Variants in ZNF385D observed in about 807,000 individuals in gnomAD.
ZNF385D encodes zinc finger protein 659.
A neutral mutation model predicts 35.8 loss-of-function variants in ZNF385D; 15 were observed. The ratio of observed to expected loss-of-function variants is 0.42; its 90% CI spans 0.28 to 0.64. The LOEUF (loss-of-function observed/expected upper bound fraction) is 0.64, where lower values mean the gene tolerates loss of function less well. Among genes scored for constraint, ZNF385D ranks in the 30% least tolerant of loss-of-function variants. ZNF385D has a pLI of 0.23. For missense variants in ZNF385D, 474 were observed against 494.6 expected, an observed-to-expected ratio of 0.96 and a Z score of 0.39; for synonymous variants, 212 against 186.8, an observed-to-expected ratio of 1.13 and a Z score of -1.10.
At chr3:21,521,612 G>A (rs1297955453) in intron 3 of ZNF385D, among the ~76,000 whole-genome samples, 7 of 152,114 alleles carry the variant, frequency 4.6e-5, no homozygotes, top group Admixed American at 6.6e-5. Context: ...TTTAAAGCCA[G>A]GTGTGGTGGC....
intron 3 of ZNF385D, among the ~76,000 whole-genome samples, chr3:22,146,257 C>T (rs1234145026): frequency 6.6e-6 from 1 of 152,102 alleles, no homozygotes; most frequent in African/African-American, 2.4e-5. Flanking sequence ...CAGAAATATT[C>T]AGTAATATTC....
At chr3:22,025,423 A>C (rs1684149705) in intron 3 of ZNF385D, among the ~76,000 whole-genome samples, 1 of 152,150 alleles carries the variant, frequency 6.6e-6, no homozygotes, top group Non-Finnish European at 1.5e-5. Context: ...GCTACACTCG[A>C]AAAGAACTTT....
At chr3:22,320,343 T>A (rs1294845669) in intron 2 of ZNF385D, among the ~76,000 whole-genome samples, 4 of 152,032 alleles carry the variant, frequency 2.6e-5, no homozygotes, top group African/African-American at 9.7e-5. Flanking sequence ...AATTCTTCCT[T>A]TCAGTCATTA....
At chr3:21,671,064 G>C (rs1457996979) in intron 1 of ZNF385D, among the ~76,000 whole-genome samples, 1 of 151,968 alleles carries the variant, frequency 6.6e-6, no homozygotes, top group Non-Finnish European at 1.5e-5. Context: ...CAGGTCCCAC[G>C]GAGAGGCATA....
chr3:21,856,973 C>A lies in ZNF385D; in HGVS notation c.326-191945G>T, dbSNP rs144022493. Among the ~76,000 whole-genome samples the A allele has an allele frequency of 1.7e-4, 26 of 152,160 alleles. 1 individual carries two copies. The South Asian group carries it at 4.8e-3, about 28-fold the overall frequency. On this transcript the variant is annotated intron_variant, in intron 3 of 5. Transcript: ENST00000494108. The stretch of plus-strand genomic sequence containing the variant: ...AAGTGGAGGTAAGGTAAATAGGTAA[C>A]CTTCTCATGTTTAACCATGTTCCAC...
intron 2 of ZNF385D, among the ~76,000 whole-genome samples, chr3:21,639,512 T>C (rs189062276): frequency 1.3e-5 from 2 of 152,212 alleles, no homozygotes. Context: ...CTTTATGTCA[T>C]TAAATATTCT....
chr3:22,326,319 C>A (rs1388516149), intron 2 of ZNF385D, among the ~76,000 whole-genome samples: 2 of 152,102 alleles, frequency 1.3e-5, no homozygotes, highest in Non-Finnish European at 2.9e-5. Flanking sequence ...AAAATTCCTT[C>A]CCCAAGCCTG....
intron 2 of ZNF385D, among the ~76,000 whole-genome samples, chr3:22,289,072 T>C (rs2125394084): frequency 6.6e-6 from 1 of 152,212 alleles, no homozygotes; most frequent in South Asian, 2.1e-4. Flanking sequence ...GTTTCTTCTA[T>C]CCTCAGGATA....
intron 3 of ZNF385D, among the ~76,000 whole-genome samples, chr3:22,104,173 C>A (rs1303529415): frequency 3.3e-5 from 5 of 152,038 alleles, no homozygotes; most frequent in African/African-American, 1.2e-4. Context: ...TATGCCCCTG[C>A]AGTTGCCATT....
chr3:22,297,922 ATC>A (rs974686971), intron 2 of ZNF385D, among the ~76,000 whole-genome samples: 2 of 152,120 alleles, frequency 1.3e-5, no homozygotes, highest in African/African-American at 4.8e-5. Flanking sequence ...TTTAAAAATA[ATC>A]TCTGCATCTA....
rs186137145 is a variant in ZNF385D at position 22,369,526 on chromosome 3, T to C, written c.106+2924A>G. Among the ~76,000 whole-genome samples the C allele has an allele frequency of 1.2e-3, 176 of 152,278 alleles. 1 individual carries two copies. The East Asian group carries it at 0.032, about 27-fold the overall frequency. On this transcript the variant is annotated intron_variant, in intron 2 of 5. Transcript: ENST00000494108. ...GTTATTATGAGACATGTAGATTTAT[T>C]GGAAACAGTAAGATATCATGCAAAT...
chr3:21,502,211 G>A (rs1481432512), intron 4 of ZNF385D, among the ~76,000 whole-genome samples: 1 of 152,090 alleles, frequency 6.6e-6, no homozygotes, highest in African/African-American at 2.4e-5. Flanking sequence ...ATCAACCAGG[G>A]GAGATCACAG....
intron 3 of ZNF385D, among the ~76,000 whole-genome samples, chr3:22,111,538 T>C (rs911201767): frequency 7.9e-5 from 12 of 152,140 alleles, no homozygotes; most frequent in African/African-American, 2.9e-4. Context: ...AGAAAACTGT[T>C]GGATGAGGCG....
intron 2 of ZNF385D, among the ~76,000 whole-genome samples, chr3:22,284,462 T>G (rs141195755): frequency 1.3e-5 from 2 of 152,154 alleles, no homozygotes; most frequent in East Asian, 3.9e-4. Flanking sequence ...AGTGCTGGGA[T>G]TACAGGCATG....
chr3:21,471,505 A>C (rs1215852707), intron 4 of ZNF385D, among the ~76,000 whole-genome samples: 1 of 152,124 alleles, frequency 6.6e-6, no homozygotes, highest in Non-Finnish European at 1.5e-5. Flanking sequence ...AAAACAAATA[A>C]GCAACTCATT....
At chr3:21,696,533 A>G (rs1394001306) in intron 1 of ZNF385D, among the ~76,000 whole-genome samples, 1 of 152,228 alleles carries the variant, frequency 6.6e-6, no homozygotes, top group Non-Finnish European at 1.5e-5. Flanking sequence ...AAATTCAGCT[A>G]CCATCCAGAG....
At chr3:21,847,544 A>G (rs566232687) in intron 3 of ZNF385D, among the ~76,000 whole-genome samples, 1 of 152,062 alleles carries the variant, frequency 6.6e-6, no homozygotes, top group African/African-American at 2.4e-5. Context: ...ACTAAAAAAG[A>G]GGGGAATTAA....
intron 2 of ZNF385D, among the ~76,000 whole-genome samples, chr3:22,218,555 T>C (rs976975951): frequency 1.3e-5 from 2 of 152,244 alleles, no homozygotes; most frequent in Middle Eastern, 3.4e-3. Flanking sequence ...TTGCTTTTAA[T>C]TGGCTGCTTA....
In ZNF385D at chr3:22,117,231, C is replaced by G. The variant is rs575288307; in HGVS notation, c.325+51586G>C. 1.8e-4 allele frequency among the ~76,000 whole-genome samples: 27 copies of G among 152,086 alleles called. No individual in the cohort carries two copies. In the South Asian group the frequency reaches 5.6e-3, roughly 32 times the overall value. ...TTACAAGTAGAAGTGTGCTTTGGCT[C>G]TCATAGGATTTGGGCTCCCTAGGGG... On this transcript the variant is annotated intron_variant, in intron 3 of 5. Coordinates refer to the ZNF385D transcript ENST00000494108.
Sources: gnomAD v4.1 joint callset for allele counts (sites outside exome capture counted in the v4.1 genomes callset) on GRCh38, gnomAD v4.1.1 for gene constraint, MANE v1.5 for transcripts, NCBI Gene and HGNC (gene_info 2026-07-23, HGNC 2026-07-21) for gene names.